The following RPH3A variants were observed in gnomAD, a reference collection of about 807,000 sequenced individuals.
RPH3A encodes rabphilin 3A.
Under a neutral mutation model 102.2 loss-of-function variants are expected in RPH3A, and 48 were observed. That is an observed-to-expected ratio of 0.47 (90% CI 0.37 to 0.60). The LOEUF is 0.60. Among genes scored for constraint, RPH3A ranks in the 20% least tolerant of loss-of-function variants. RPH3A has a pLI of 0.00. For synonymous variants in RPH3A, 310 were observed against 324.3 expected (o/e 0.96, Z 0.47); for missense variants, 781 against 910.1 (o/e 0.86, Z 1.83).
intron 1 of RPH3A, among the ~76,000 whole-genome samples, chr12:112,613,855 G>A (rs2039657354): frequency 6.6e-6 from 1 of 152,162 alleles, no homozygotes; most frequent in Non-Finnish European, 1.5e-5. Context: ...GAGGCGAGAG[G>A]ATTGCTTGAG....
chr12:112,606,617 G>A (rs2039599123), intron 1 of RPH3A, among the ~76,000 whole-genome samples: 1 of 152,160 alleles, frequency 6.6e-6, no homozygotes, highest in African/African-American at 2.4e-5. Flanking sequence ...CTGACCTCAA[G>A]TGGAGCAAAT....
intron 1 of RPH3A, among the ~76,000 whole-genome samples, chr12:112,650,430 A>G (rs2135996872): frequency 6.6e-6 from 1 of 152,266 alleles, no homozygotes; most frequent in East Asian, 1.9e-4. Context: ...ATTTTCTACA[A>G]ATCTTCCTCT....
At chr12:112,726,103 C>CG (rs1243661665) in intron 1 of RPH3A, among the ~76,000 whole-genome samples, 26 of 117,978 alleles carry the variant, frequency 2.2e-4, no homozygotes, top group Middle Eastern at 0.011. Context: ...CCTTTTTTTT[C>CG]GGGGGGGTGG....
intron 2 of RPH3A, among the ~76,000 whole-genome samples, chr12:112,822,875 G>A (rs2041805148): frequency 6.6e-6 from 1 of 152,214 alleles, no homozygotes; most frequent in African/African-American, 2.4e-5. Context: ...TGAACTTTCA[G>A]TTGTTGTTGT....
intron 2 of RPH3A, among the ~76,000 whole-genome samples, chr12:112,806,684 A>G (rs2041470765): frequency 6.6e-6 from 1 of 152,096 alleles, no homozygotes; most frequent in South Asian, 2.1e-4. Flanking sequence ...TCTGAGGAAT[A>G]TTTGATTGGG....
intron 2 of RPH3A, among the ~76,000 whole-genome samples, chr12:112,820,296 T>A (rs1444144375): frequency 1.3e-5 from 2 of 152,192 alleles, no homozygotes; most frequent in Non-Finnish European, 2.9e-5. Context: ...ATAGTGACAA[T>A]AATTAATGTT....
chr12:112,865,890 C>T (rs992397632), intron 6 of RPH3A, among the ~76,000 whole-genome samples: 7 of 152,194 alleles, frequency 4.6e-5, no homozygotes, highest in Admixed American at 4.6e-4. Flanking sequence ...GCATGCTAAG[C>T]ACATGTTTAT....
chr12:112,699,161 T>A (rs896603077), intron 1 of RPH3A, among the ~76,000 whole-genome samples: 3 of 152,186 alleles, frequency 2.0e-5, no homozygotes, highest in African/African-American at 7.2e-5. Context: ...GCTCCAGCAA[T>A]CCTCCTGCCT....
At chr12:112,628,517 G>A (rs1168266272) in intron 1 of RPH3A, among the ~76,000 whole-genome samples, 1 of 131,128 alleles carries the variant, frequency 7.6e-6, no homozygotes, top group Non-Finnish European at 1.6e-5. Flanking sequence ...CTTGCTTGAG[G>A]CCAGGAGTTG....
At chr12:112,761,028 C>G (rs144301121) in intron 1 of RPH3A, among the ~76,000 whole-genome samples, 1 of 151,900 alleles carries the variant, frequency 6.6e-6, no homozygotes, top group African/African-American at 2.4e-5. Context: ...CTGGGTCATA[C>G]AAATAATTAG....
intron 5 of RPH3A, among the ~76,000 whole-genome samples, chr12:112,852,613 T>G (rs754603780): frequency 1.3e-5 from 2 of 152,284 alleles, no homozygotes; most frequent in Non-Finnish European, 2.9e-5. Flanking sequence ...CTGATTGACC[T>G]AGCTTGCCCT....
chr12:112,661,452 G>C (rs2040048104), intron 1 of RPH3A, among the ~76,000 whole-genome samples: 1 of 152,172 alleles, frequency 6.6e-6, no homozygotes, highest in Non-Finnish European at 1.5e-5. Flanking sequence ...GAGGAAATTT[G>C]TGTAGAGGAC....
intron 2 of RPH3A, among the ~76,000 whole-genome samples, chr12:112,792,850 A>C (rs1426736360): frequency 1.3e-5 from 2 of 152,198 alleles, no homozygotes; most frequent in African/African-American, 2.4e-5. Flanking sequence ...GAGCCAGGAA[A>C]GGGCCACACT....
At chr12:112,610,377 C>A (rs1035727573) in intron 1 of RPH3A, among the ~76,000 whole-genome samples, 1 of 151,754 alleles carries the variant, frequency 6.6e-6, no homozygotes, top group African/African-American at 2.4e-5. Context: ...GTGGTAGGCG[C>A]CTGTAATTCC....
intron 15 of RPH3A, 95 bp downstream of exon 15, chr12:112,881,941 C>A: frequency 3.5e-6 from 3 of 845,080 alleles, no homozygotes; most frequent in Non-Finnish European, 5.6e-6. Context: ...GCCTTATCTG[C>A]CCCAAATCCC....
intron 1 of RPH3A, among the ~76,000 whole-genome samples, chr12:112,762,954 A>G (rs560636727): frequency 1.4e-3 from 215 of 152,318 alleles, no homozygotes; most frequent in Admixed American, 2.7e-3. Flanking sequence ...TCCTCTAGGC[A>G]ATCAGAGGGA....
intron 8 of RPH3A, 84 bp downstream of exon 8, chr12:112,868,679 C>A: frequency 1.4e-6 from 2 of 1,448,230 alleles, no homozygotes; most frequent in South Asian, 1.3e-5. Flanking sequence ...GACATCATGT[C>A]TGTGTTTCCA....
At chr12:112,785,179 G>A (rs2041038804) in intron 1 of RPH3A, among the ~76,000 whole-genome samples, 6 of 150,362 alleles carry the variant, frequency 4.0e-5, no homozygotes, top group South Asian at 4.2e-4. Context: ...CCGAGATTGC[G>A]CCATTGAACT....
Position 112,761,494 on chromosome 12 carries a change from C to G in RPH3A, c.-139-30649C>G, listed in dbSNP as rs184503175. On this transcript the variant is annotated intron_variant, in intron 1 of 21. Transcript: ENST00000543106. ...TTCATTGGGAACTGGAGTGGGCTGT[C>G]AAGATCACAGTACCAGTCAGGAGAC... Among the ~76,000 whole-genome samples, 380 of 152,364 alleles carry G rather than the reference C, an allele frequency of 2.5e-3. 2 individuals carry two copies. The highest frequency in any genetic ancestry group is 8.9e-3 in the African/African-American group (370 of 41,578).
Sources: allele counts gnomAD v4.1 joint callset (sites outside exome capture counted in the v4.1 genomes callset), GRCh38; gene constraint gnomAD v4.1.1; transcripts MANE v1.5; gene names NCBI Gene and HGNC (gene_info 2026-07-23, HGNC 2026-07-21).